The following TMEM184B variants were observed in gnomAD, a reference collection of about 807,000 sequenced individuals.
TMEM184B encodes putative MAPK-activating protein FM08.
TMEM184B carries 17 observed loss-of-function variants against 41.8 expected under a neutral mutation model. That is an observed-to-expected ratio of 0.41 (90% CI 0.28 to 0.61). The LOEUF (loss-of-function observed/expected upper bound fraction) is 0.61, where lower values mean the gene tolerates loss of function less well. Among genes scored for constraint, TMEM184B ranks in the 20% least tolerant of loss-of-function variants. The pLI, the probability that TMEM184B is intolerant of heterozygous loss-of-function variation, is 0.34. For synonymous variants in TMEM184B, 240 were observed against 229.5 expected (o/e 1.05, Z -0.41); for missense variants, 393 against 557.8 (o/e 0.70, Z 2.98).
chr22:38,227,814 G>C (rs370811127), intron 5 of TMEM184B, among the ~76,000 whole-genome samples: 6 of 152,150 alleles, frequency 3.9e-5, no homozygotes, highest in African/African-American at 1.4e-4. Context: ...CACTAACGGC[G>C]CCTGCTAGCT....
At chr22:38,233,088 A>G (rs1441197384) in intron 3 of TMEM184B, among the ~76,000 whole-genome samples, 4 of 152,192 alleles carry the variant, frequency 2.6e-5, no homozygotes, top group African/African-American at 7.2e-5. Context: ...CACTGACTGA[A>G]CTGGAGCGTG....
At chr22:38,245,590 C>T (rs1225263360) in intron 3 of TMEM184B, among the ~76,000 whole-genome samples, 1 of 143,020 alleles carries the variant, frequency 7.0e-6, no homozygotes, top group Non-Finnish European at 1.5e-5. Context: ...CATTGAGAAG[C>T]GAGACCCAGG....
chr22:38,217,848 GA>G (rs1398532509), downstream of TMEM184B, among the ~76,000 whole-genome samples: 7,394 of 101,612 alleles, frequency 0.073, 650 homozygotes, highest in African/African-American at 0.24. Flanking sequence ...AAAAAAAAAA[GA>G]AAAGAAAAGA....
At chr22:38,231,896 A>G in intron 3 of TMEM184B, 1 of 212,706 alleles carries the variant, frequency 4.7e-6, no homozygotes, top group Non-Finnish European at 9.6e-6. Context: ...AGGAGGGGTG[A>G]ACCAGCCCAG....
chr22:38,259,088 C>T (rs1385520909), intron 1 of TMEM184B, among the ~76,000 whole-genome samples: 3 of 152,182 alleles, frequency 2.0e-5, no homozygotes, highest in Non-Finnish European at 4.4e-5. Flanking sequence ...CCGGCTGGCC[C>T]CCCATCAGAG....
At chr22:38,253,684 C>CT (rs1321890748) in intron 1 of TMEM184B, among the ~76,000 whole-genome samples, 1 of 151,970 alleles carries the variant, frequency 6.6e-6, no homozygotes, top group Non-Finnish European at 1.5e-5. Flanking sequence ...AACTCTAAAC[C>CT]TTTTAGAAGA....
intron 1 of TMEM184B, among the ~76,000 whole-genome samples, chr22:38,249,209 G>C (rs549152639): frequency 2.6e-5 from 4 of 152,214 alleles, no homozygotes; most frequent in Non-Finnish European, 5.9e-5. Flanking sequence ...GAGTGCAATG[G>C]TGCAATCTCG....
chr22:38,268,179 G>A (rs1052632859), intron 1 of TMEM184B, among the ~76,000 whole-genome samples: 4 of 152,140 alleles, frequency 2.6e-5, no homozygotes, highest in African/African-American at 4.8e-5. Flanking sequence ...TCAGGAGTTC[G>A]AGACCAGCTT....
rs113738382 is a variant in TMEM184B at position 38,222,021 on chromosome 22, T to C, written c.983-311A>G. ...ACTGGCAAGCTATGGGCAGTGAGCC[T>C]AGAATGCCCCAGAGAGGCCAGAGCA... On this transcript the variant is annotated intron_variant, in intron 8 of 8. Transcript: ENST00000361906. 2,037 of 415,906 alleles carry C rather than the reference T, an allele frequency of 4.9e-3. 10 individuals are homozygous for C. Among genetic ancestry groups the C allele is most frequent in the Non-Finnish European group, 7.3e-3 (1,645 of 225,292 alleles). 25.8% of individuals were successfully genotyped at this position (415,906 alleles called of 1,614,324 possible). A position where few individuals can be genotyped will look rare whatever the true frequency, so the allele number is the denominator to read the frequency against.
At chr22:38,232,231 GA>G (rs2091649468) in intron 3 of TMEM184B, 1 of 152,166 alleles carries the variant, frequency 6.6e-6, no homozygotes, top group Admixed American at 6.6e-5. Flanking sequence ...AAAACCTTGG[GA>G]AGCTTGGGCT....
intron 1 of TMEM184B, among the ~76,000 whole-genome samples, chr22:38,252,661 A>G (rs950681507): frequency 6.6e-6 from 1 of 152,140 alleles, no homozygotes; most frequent in Middle Eastern, 3.2e-3. Flanking sequence ...GGGGTCAGAG[A>G]AGGCTTCCAT....
Position 38,220,607 on chromosome 22 carries a change from G to A in TMEM184B, c.*862C>T, listed in dbSNP as rs1332552367. ...GGGAGGGAGAAGCCCCAAAGAGAGA[G>A]AGGACCCAGCATCAGCCTGGGAAGG... On this transcript the variant is annotated 3_prime_UTR_variant, in exon 9 of 9. Transcript: ENST00000361906. 2 of 986,172 alleles carry A rather than the reference G, an allele frequency of 2.0e-6. No individual in the cohort carries two copies. Among genetic ancestry groups the A allele is most frequent in the Non-Finnish European group, 2.4e-6 (2 of 830,164 alleles). The allele number at this position is 986,172 out of a possible 1,614,324, so 61.1% of individuals were successfully genotyped here. A position where few individuals can be genotyped will look rare whatever the true frequency, so the allele number is the denominator to read the frequency against.
chr22:38,219,888 A>G lies in TMEM184B; in HGVS notation c.*1581T>C. The G allele has an allele frequency of 1.0e-6, 1 of 984,966 alleles. No homozygotes were observed. Among genetic ancestry groups the G allele is most frequent in the Non-Finnish European group, 1.2e-6 (1 of 829,812 alleles). The allele number at this position is 984,966 out of a possible 1,614,324, so 61.0% of individuals were successfully genotyped here. On this transcript the variant is annotated 3_prime_UTR_variant, in exon 9 of 9. Coordinates refer to ENST00000361906, the MANE Select transcript of TMEM184B (RefSeq NM_012264.5). ...GGGGGAGAGCTGGCCTCTGGCACCC[A>G]CATGCAGGCCTCTGCCACGAGGAAA...
chr22:38,234,026 C>CG (rs1367296765), intron 3 of TMEM184B, among the ~76,000 whole-genome samples: 1 of 118,148 alleles, frequency 8.5e-6, no homozygotes, highest in Non-Finnish European at 1.9e-5. Context: ...ACCTCGGCCT[C>CG]CCAAAGTGCT....
At chr22:38,222,605 A>G in intron 8 of TMEM184B, 1 of 985,494 alleles carries the variant, frequency 1.0e-6, no homozygotes, top group Non-Finnish European at 1.2e-6. Flanking sequence ...CAGAACTGAC[A>G]TGCAGGACAG....
At chr22:38,261,790 G>C (rs2092371997) in intron 1 of TMEM184B, among the ~76,000 whole-genome samples, 1 of 152,136 alleles carries the variant, frequency 6.6e-6, no homozygotes, top group African/African-American at 2.4e-5. Context: ...CCACCCCATG[G>C]GAGCAGGCTG....
chr22:38,222,786 C>G, intron 8 of TMEM184B: 1 of 852,326 alleles, frequency 1.2e-6, no homozygotes, highest in Non-Finnish European at 1.4e-6. Flanking sequence ...CCCACCAGCA[C>G]GACACACCAC....
intron 5 of TMEM184B, among the ~76,000 whole-genome samples, chr22:38,229,329 C>T (rs1010783560): frequency 1.3e-5 from 2 of 152,236 alleles, no homozygotes; most frequent in African/African-American, 2.4e-5. Flanking sequence ...AACAGGAGGC[C>T]GTGGGCTCCA....
chr22:38,224,647 C>T, intron 8 of TMEM184B, 138 bp downstream of exon 8: 2 of 855,110 alleles, frequency 2.3e-6, no homozygotes, highest in South Asian at 4.5e-5. Flanking sequence ...CCTCTGTGGC[C>T]CCATTCCTGC....
Sources: allele counts gnomAD v4.1 joint callset (sites outside exome capture counted in the v4.1 genomes callset), GRCh38; gene constraint gnomAD v4.1.1; transcripts MANE v1.5; gene names NCBI Gene and HGNC (gene_info 2026-07-23, HGNC 2026-07-21).